The following CADPS2 variants were observed in gnomAD, a reference collection of about 807,000 sequenced individuals.
The protein encoded by CADPS2 is calcium dependent secretion activator 2.
In CADPS2, 93 loss-of-function variants were observed where a neutral mutation model predicts 172.5. The ratio of observed to expected loss-of-function variants is 0.54; its 90% CI spans 0.46 to 0.64. The LOEUF (loss-of-function observed/expected upper bound fraction) is 0.64, where lower values mean the gene tolerates loss of function less well. Ranked by LOEUF, CADPS2 falls within the 30% of genes least tolerant of loss-of-function variation. The pLI, the probability that CADPS2 is intolerant of heterozygous loss-of-function variation, is 0.00. For missense variants in CADPS2, 1,420 were observed against 1,565.9 expected (o/e 0.91, Z 1.57); for synonymous variants, 546 against 555.2 (o/e 0.98, Z 0.23).
intron 8 of CADPS2, among the ~76,000 whole-genome samples, chr7:122,525,851 C>T (rs908600741): frequency 6.6e-6 from 1 of 152,128 alleles, no homozygotes. Flanking sequence ...TAAACCTGTA[C>T]AGCTTGTGAC....
intron 7 of CADPS2, among the ~76,000 whole-genome samples, chr7:122,562,743 G>C (rs1335623516): frequency 6.6e-6 from 1 of 152,046 alleles, no homozygotes; most frequent in African/African-American, 2.4e-5. Context: ...TCTATCATCA[G>C]CTTTGCTTAC....
At chr7:122,480,909 G>T in intron 11 of CADPS2, 49 bp from the exon 12 acceptor site, 1 of 1,412,212 alleles carries the variant, frequency 7.1e-7, no homozygotes, top group Non-Finnish European at 9.5e-7. Flanking sequence ...AAATGGGTTG[G>T]GAACTATATA....
intron 17 of CADPS2, among the ~76,000 whole-genome samples, chr7:122,431,397 G>A (rs559729497): frequency 5.2e-4 from 79 of 152,098 alleles, no homozygotes; most frequent in African/African-American, 1.8e-3. Context: ...TAAGCGCTGT[G>A]GAAGAAAATA....
chr7:122,776,173 G>C (rs1187743642), intron 1 of CADPS2, among the ~76,000 whole-genome samples: 1 of 152,132 alleles, frequency 6.6e-6, no homozygotes, highest in Admixed American at 6.5e-5. Flanking sequence ...CCTGGAGCAA[G>C]GTAATAAAAT....
At chr7:122,828,275 ATTCTC>A (rs1317455031) in intron 1 of CADPS2, among the ~76,000 whole-genome samples, 2 of 152,030 alleles carry the variant, frequency 1.3e-5, no homozygotes, top group Non-Finnish European at 2.9e-5. Context: ...TGGTATAATT[ATTCTC>A]TTCTACTTTC....
chr7:122,698,768 G>A (rs749471581), intron 2 of CADPS2: 1 of 1,613,892 alleles, frequency 6.2e-7, no homozygotes, highest in South Asian at 1.1e-5. Flanking sequence ...GACAACACAT[G>A]ATTCCCAACA....
chr7:122,384,970 T>A (rs1370247910), intron 24 of CADPS2, among the ~76,000 whole-genome samples: 5 of 152,052 alleles, frequency 3.3e-5, no homozygotes. Flanking sequence ...GGTACTGCAG[T>A]GTATGTTAAA....
At chr7:122,599,057 T>C (rs2072344071) in intron 6 of CADPS2, among the ~76,000 whole-genome samples, 1 of 152,028 alleles carries the variant, frequency 6.6e-6, no homozygotes, top group South Asian at 2.1e-4. Flanking sequence ...AGTAGTTAGG[T>C]GCAGAATGAA....
At chr7:122,500,846 G>A (rs1439966291) in intron 9 of CADPS2, among the ~76,000 whole-genome samples, 1 of 152,076 alleles carries the variant, frequency 6.6e-6, no homozygotes, top group Non-Finnish European at 1.5e-5. Flanking sequence ...TTATATATTA[G>A]TACTTGGAGA....
chr7:122,508,805 G>C (rs1052373273), intron 9 of CADPS2, among the ~76,000 whole-genome samples: 19 of 152,162 alleles, frequency 1.2e-4, no homozygotes, highest in African/African-American at 4.3e-4. Flanking sequence ...AGTTTGGAAG[G>C]CCACACTATT....
intron 2 of CADPS2, among the ~76,000 whole-genome samples, chr7:122,690,942 G>C (rs1390674471): frequency 6.6e-6 from 1 of 152,106 alleles, no homozygotes; most frequent in South Asian, 2.1e-4. Context: ...TTAGGAATGG[G>C]GGGATACCAT....
intron 14 of CADPS2, among the ~76,000 whole-genome samples, chr7:122,467,630 A>G (rs1412130048): frequency 6.6e-6 from 1 of 152,234 alleles, no homozygotes; most frequent in Non-Finnish European, 1.5e-5. Flanking sequence ...GGCATGCAGC[A>G]GCTCTAAGAC....
At chr7:122,677,287 A>G (rs2082479552) in intron 2 of CADPS2, among the ~76,000 whole-genome samples, 1 of 152,186 alleles carries the variant, frequency 6.6e-6, no homozygotes, top group South Asian at 2.1e-4. Context: ...TGAGGAGGTG[A>G]GCAGAGATCT....
At chr7:122,670,881 A>AAG (rs2081763183) in intron 2 of CADPS2, among the ~76,000 whole-genome samples, 1 of 151,694 alleles carries the variant, frequency 6.6e-6, no homozygotes, top group African/African-American at 2.4e-5. Context: ...AAAAAAAAAA[A>AAG]AAAAAGTCCC....
At chr7:122,671,459 T>C (rs1322312150) in intron 2 of CADPS2, among the ~76,000 whole-genome samples, 1 of 152,136 alleles carries the variant, frequency 6.6e-6, no homozygotes. Flanking sequence ...TGGACTGTGG[T>C]GGCTCATGCC....
intron 2 of CADPS2, chr7:122,698,040 G>GC: frequency 6.2e-7 from 1 of 1,613,826 alleles, no homozygotes. Context: ...TGCAAATGGG[G>GC]CATGTCCCAT....
chr7:122,878,940 A>G (rs1822089645), intron 1 of CADPS2, among the ~76,000 whole-genome samples: 3 of 152,176 alleles, frequency 2.0e-5, no homozygotes. Context: ...AGATTCATCA[A>G]AAGTCGGGCT....
chr7:122,499,796 C>T (rs971499759), intron 9 of CADPS2, among the ~76,000 whole-genome samples: 2 of 152,146 alleles, frequency 1.3e-5, no homozygotes, highest in South Asian at 4.1e-4. Context: ...CAAAGTAATA[C>T]TTTTATCATC....
chr7:122,603,777 T>C (rs1319044222), intron 6 of CADPS2, among the ~76,000 whole-genome samples: 1 of 152,120 alleles, frequency 6.6e-6, no homozygotes, highest in Non-Finnish European at 1.5e-5. Context: ...TTTTAAAACC[T>C]AGAAATTTTG....
Sources: gnomAD v4.1 joint callset for allele counts (sites outside exome capture counted in the v4.1 genomes callset) on GRCh38, gnomAD v4.1.1 for gene constraint, MANE v1.5 for transcripts, NCBI Gene and HGNC (gene_info 2026-07-23, HGNC 2026-07-21) for gene names.